The following RYR1 variants were observed in gnomAD, a reference collection of about 807,000 sequenced individuals.
RYR1 encodes the protein central core disease of muscle.
A neutral mutation model predicts 583.5 loss-of-function variants in RYR1; 342 were observed. The observed-to-expected ratio is 0.59, with a 90% CI of 0.54 to 0.64. The LOEUF (loss-of-function observed/expected upper bound fraction) is 0.64. RYR1 is among the 30% of genes least tolerant of loss of function. The pLI is 0.00. For missense variants in RYR1, 6,032 were observed against 6,917.2 expected, an observed-to-expected ratio of 0.87 and a Z score of 4.54; for synonymous variants, 2,791 against 2,822.5, an observed-to-expected ratio of 0.99 and a Z score of 0.35.
At chr19:38,564,425 C>T (rs1973291039) in intron 90 of RYR1, among the ~76,000 whole-genome samples, 2 of 152,046 alleles carry the variant, frequency 1.3e-5, no homozygotes, top group Non-Finnish European at 2.9e-5. Flanking sequence ...CTCAGGAGGC[C>T]GAGGCATGGG....
intron 90 of RYR1, among the ~76,000 whole-genome samples, chr19:38,564,579 A>G (rs1207080459): frequency 1.3e-5 from 2 of 150,386 alleles, no homozygotes; most frequent in Non-Finnish European, 2.9e-5. Context: ...GTGCAGTGGC[A>G]CGATCACAGC....
chr19:38,456,849 A>G (rs1218134014), intron 16 of RYR1, among the ~76,000 whole-genome samples: 1 of 151,312 alleles, frequency 6.6e-6, no homozygotes, highest in African/African-American at 2.4e-5. Flanking sequence ...GATCGAGACC[A>G]TCCTGGCTAA....
intron 20 of RYR1, among the ~76,000 whole-genome samples, chr19:38,461,740 AGAAAGGG>A (rs1165976686): frequency 8.9e-4 from 121 of 136,236 alleles, no homozygotes; most frequent in African/African-American, 2.9e-3. Context: ...AAAAAAAAAA[AGAAAGGG>A]AGAGAGAGAG....
chr19:38,583,591 C>T (rs1434818121), intron 101 of RYR1, among the ~76,000 whole-genome samples: 1 of 152,038 alleles, frequency 6.6e-6, no homozygotes, highest in Non-Finnish European at 1.5e-5. Flanking sequence ...TAGATAAAGT[C>T]GAATCACCCT....
chr19:38,456,444 G>A (rs1401666059), intron 16 of RYR1, among the ~76,000 whole-genome samples: 1 of 150,656 alleles, frequency 6.6e-6, no homozygotes, highest in Non-Finnish European at 1.5e-5. Context: ...ACCACGCCCA[G>A]CTAATTTTTG....
rs190099117 is a variant in RYR1, at chr19:38,456,822, G to A, written c.1792-675G>A. On this transcript the variant is annotated intron_variant, in intron 16 of 105. Transcript: ENST00000359596. ...AGCACTTTGGGAGGCCAAGGCGGGC[G>A]GATCACGAGGTCAGGAGATCGAGAC... is the stretch of plus-strand genomic sequence containing the variant. Among the ~76,000 whole-genome samples, 398 of 151,150 alleles carry A rather than the reference G, an allele frequency of 2.6e-3. 1 individual carries two copies. The highest frequency in any genetic ancestry group is 9.1e-3 in the African/African-American group (379 of 41,424).
intron 56 of RYR1, 141 bp from the exon 57 acceptor site, chr19:38,506,688 T>G: frequency 6.7e-7 from 1 of 1,486,846 alleles, no homozygotes; most frequent in Non-Finnish European, 9.2e-7. Context: ...GGTAATGAGA[T>G]GAGCACCAGC....
chr19:38,568,003 G>A, intron 93 of RYR1, 86 bp downstream of exon 93: 1 of 1,482,538 alleles, frequency 6.7e-7, no homozygotes, highest in Non-Finnish European at 9.3e-7. Context: ...CCTTGTTCTT[G>A]AGTTCATCTG....
chr19:38,475,246 G>C, intron 28 of RYR1, 72 bp from the exon 29 acceptor site: 1 of 1,543,726 alleles, frequency 6.5e-7, no homozygotes, highest in Non-Finnish European at 8.8e-7. Flanking sequence ...CTGGATGTGG[G>C]GGCATGAATA....
intron 27 of RYR1, among the ~76,000 whole-genome samples, chr19:38,470,362 C>T (rs1045963226): frequency 6.7e-6 from 1 of 149,584 alleles, no homozygotes; most frequent in African/African-American, 2.5e-5. Context: ...CCTCTGAGCT[C>T]AGGAGGTCGA....
intron 70 of RYR1, 84 bp from the exon 71 acceptor site, chr19:38,525,248 C>A: frequency 6.5e-7 from 1 of 1,533,106 alleles, no homozygotes; most frequent in Non-Finnish European, 9.0e-7. Flanking sequence ...CAGACTGGGG[C>A]CTGGGGTGTG....
At chr19:38,498,680 G>A (rs2145596111) in intron 42 of RYR1, among the ~76,000 whole-genome samples, 1 of 152,270 alleles carries the variant, frequency 6.6e-6, no homozygotes, top group South Asian at 2.1e-4. Flanking sequence ...ACCATGTAGG[G>A]TAACTTTCTG....
At chr19:38,457,275 C>T (rs1006415936) in intron 16 of RYR1, among the ~76,000 whole-genome samples, 1 of 151,998 alleles carries the variant, frequency 6.6e-6, no homozygotes, top group Non-Finnish European at 1.5e-5. Flanking sequence ...CTTATCCCAA[C>T]TCATGTGACC....
chr19:38,565,835 C>G lies in RYR1; in HGVS notation c.13437+64C>G. 7.4e-7 allele frequency: 1 copy of G among 1,348,816 alleles called. No homozygotes were observed. The highest frequency in any genetic ancestry group is 2.8e-4 in the Middle Eastern group (1 of 3,634). 83.6% of individuals were successfully genotyped at this position (1,348,816 alleles called of 1,614,324 possible). A position where few individuals can be genotyped will look rare whatever the true frequency, so the allele number is the denominator to read the frequency against. ...GGGGGATTGGAGGGAGGAAGAGAGC[C>G]CGGCTGGGTGGAGACACACACAGAG... On this transcript the variant is annotated intron_variant, in intron 91 of 105. Coordinates refer to ENST00000359596, the MANE Select transcript of RYR1 (RefSeq NM_000540.3). The surrounding 1 kb of genome is among the most constrained non-coding windows in gnomAD (Gnocchi z 4.7).
chr19:38,491,440 T>C (rs1969546599), intron 37 of RYR1, among the ~76,000 whole-genome samples: 1 of 151,464 alleles, frequency 6.6e-6, no homozygotes, highest in Non-Finnish European at 1.5e-5. Flanking sequence ...TTTGCTTTTT[T>C]TTTTTTTTTG....
At chr19:38,536,283 C>G (rs550196575) in intron 82 of RYR1, among the ~76,000 whole-genome samples, 1 of 63,338 alleles carries the variant, frequency 1.6e-5, no homozygotes, top group Non-Finnish European at 2.8e-5. Flanking sequence ...CCACCTCCGC[C>G]CCCCCCCGCC....
chr19:38,557,156 C>A (rs185284327), intron 89 of RYR1, among the ~76,000 whole-genome samples: 251 of 145,568 alleles, frequency 1.7e-3, no homozygotes, highest in Admixed American at 3.4e-3. Context: ...CAGGTTCAAG[C>A]GATTCTCCTG....
At chr19:38,442,606 C>G (rs1972747793) in intron 3 of RYR1, among the ~76,000 whole-genome samples, 153 bp downstream of exon 3, 1 of 152,104 alleles carries the variant, frequency 6.6e-6, no homozygotes, top group Non-Finnish European at 1.5e-5. Context: ...CCCACAGGCC[C>G]TCAATTTGGA....
intron 57 of RYR1, 59 bp from the exon 58 acceptor site, chr19:38,507,653 G>T: frequency 9.1e-7 from 1 of 1,093,986 alleles, no homozygotes; most frequent in Admixed American, 1.7e-5. Flanking sequence ...GACCTGAGAA[G>T]GGTGGGAAAC....
Sources: allele counts gnomAD v4.1 joint callset (sites outside exome capture counted in the v4.1 genomes callset), GRCh38; gene constraint gnomAD v4.1.1; non-coding constraint Gnocchi (gnomAD v3.1); transcripts MANE v1.5; gene names NCBI Gene and HGNC (gene_info 2026-07-23, HGNC 2026-07-21).